Variants in ERC2 observed in about 807,000 individuals in gnomAD.
ERC2 encodes the protein ELKS/RAB6-interacting/CAST family member 2.
A neutral mutation model predicts 114.8 loss-of-function variants in ERC2; 42 were observed. The observed-to-expected ratio is 0.37, with a 90% CI of 0.29 to 0.47. The LOEUF (loss-of-function observed/expected upper bound fraction) is 0.47, where lower values mean the gene tolerates loss of function less well. Among genes scored for constraint, ERC2 ranks in the 20% least tolerant of loss-of-function variants. The probability of loss-of-function intolerance (pLI) is 0.99; values close to 1 mark genes in which losing one functional copy is unlikely to be tolerated. For missense variants in ERC2, 939 were observed against 1,150.7 expected, an observed-to-expected ratio of 0.82 and a Z score of 2.66; for synonymous variants, 454 against 425.5, an observed-to-expected ratio of 1.07 and a Z score of -0.82.
intron 3 of ERC2, among the ~76,000 whole-genome samples, chr3:56,215,872 A>G (rs1331809404): frequency 6.6e-6 from 1 of 152,236 alleles, no homozygotes; most frequent in Non-Finnish European, 1.5e-5. Context: ...TGGAAACTGA[A>G]CAACCTGCTC....
At chr3:56,030,683 C>A (rs575261128) in intron 7 of ERC2, among the ~76,000 whole-genome samples, 16 of 152,144 alleles carry the variant, frequency 1.1e-4, no homozygotes, top group Non-Finnish European at 2.2e-4. Context: ...AGTAAGATGG[C>A]AGAATAGGAG....
chr3:56,047,691 T>C (rs1344148014), intron 7 of ERC2, among the ~76,000 whole-genome samples: 1 of 152,208 alleles, frequency 6.6e-6, no homozygotes, highest in Non-Finnish European at 1.5e-5. Flanking sequence ...TTTCAAGTAC[T>C]TTTTTAAAAG....
chr3:55,756,132 G>A (rs895615785), intron 14 of ERC2, among the ~76,000 whole-genome samples: 1 of 152,064 alleles, frequency 6.6e-6, no homozygotes, highest in African/African-American at 2.4e-5. Context: ...AAAGTTTGCA[G>A]CTTGCTAGAG....
rs551975793 is a variant in ERC2 at position 55,668,516 on chromosome 3, C to T, written c.*39+15278G>A. Among the ~76,000 whole-genome samples, 5 of 152,326 alleles carry T rather than the reference C, an allele frequency of 3.3e-5. No individual in the cohort carries two copies. In the South Asian group the frequency reaches 1.0e-3, roughly 32 times the overall value. On this transcript the variant is annotated intron_variant, in intron 17 of 17. Transcript: ENST00000288221. Reference sequence around the variant, plus strand: ...TATGCTCATCGTCATGACTTGGATTCCATGGCTACAAGTCTCACAGGACTC... The same window carrying T: ...TATGCTCATCGTCATGACTTGGATTTCATGGCTACAAGTCTCACAGGACTC...
chr3:56,337,150 A>C (rs2057888597), intron 2 of ERC2, among the ~76,000 whole-genome samples: 1 of 152,176 alleles, frequency 6.6e-6, no homozygotes, highest in Non-Finnish European at 1.5e-5. Flanking sequence ...AGGAAACTTA[A>C]TAAACGCTTC....
intron 17 of ERC2, among the ~76,000 whole-genome samples, chr3:55,520,975 G>A (rs192599268): frequency 6.6e-6 from 1 of 152,280 alleles, no homozygotes; most frequent in African/African-American, 2.4e-5. Context: ...TGGAGAATTT[G>A]AAACATGAAG....
chr3:55,640,094 T>A (rs1478050648), intron 17 of ERC2, among the ~76,000 whole-genome samples: 1 of 152,212 alleles, frequency 6.6e-6, no homozygotes, highest in African/African-American at 2.4e-5. Context: ...ACACGTCCTG[T>A]GGCTGCACTT....
intron 10 of ERC2, among the ~76,000 whole-genome samples, chr3:55,997,160 A>G (rs914524676): frequency 3.9e-5 from 6 of 152,172 alleles, no homozygotes; most frequent in African/African-American, 1.4e-4. Context: ...ATTTCCCTCA[A>G]AATAAACAAA....
At chr3:55,835,399 C>G (rs2060827360) in intron 14 of ERC2, among the ~76,000 whole-genome samples, 1 of 152,270 alleles carries the variant, frequency 6.6e-6, no homozygotes, top group South Asian at 2.1e-4. Flanking sequence ...AAAAGCTTAT[C>G]CACCATGATC....
intron 6 of ERC2, among the ~76,000 whole-genome samples, chr3:56,084,989 C>A (rs1468827952): frequency 6.6e-6 from 1 of 152,022 alleles, no homozygotes; most frequent in Admixed American, 6.5e-5. Flanking sequence ...CTTTTAACTG[C>A]CTGAGAGGAT....
chr3:56,400,834 G>C (rs1402643175), intron 2 of ERC2, among the ~76,000 whole-genome samples: 1 of 152,154 alleles, frequency 6.6e-6, no homozygotes, highest in Non-Finnish European at 1.5e-5. Context: ...GAAAAATTTA[G>C]TCTGACGTAT....
rs2060956634 is a variant in ERC2, at chr3:55,837,650, T to C, written c.2564+50739A>G. On this transcript the variant is annotated intron_variant, in intron 14 of 17. Coordinates refer to ENST00000288221, the MANE Select transcript of ERC2 (RefSeq NM_015576.3). ...GATAGCATTAGGAGATATACCTAAT[T>C]CTAAATGACGAGTTAATGGGTACAG... Among the ~76,000 whole-genome samples the C allele has an allele frequency of 2.6e-5, 4 of 151,702 alleles. No individual in the cohort carries two copies. The South Asian group carries it at 6.2e-4, about 24-fold the overall frequency.
At chr3:56,310,325 T>C (rs1447952030) in intron 2 of ERC2, among the ~76,000 whole-genome samples, 6 of 152,224 alleles carry the variant, frequency 3.9e-5, no homozygotes, top group Admixed American at 1.3e-4. Flanking sequence ...GTCACAGCCA[T>C]ATACAGTTAT....
intron 2 of ERC2, among the ~76,000 whole-genome samples, chr3:56,343,779 T>C (rs1018599988): frequency 6.6e-6 from 1 of 152,204 alleles, no homozygotes; most frequent in Non-Finnish European, 1.5e-5. Flanking sequence ...CAAAGCAGAC[T>C]TGTCTAAATT....
At chr3:55,524,278 G>T (rs185845910) in intron 17 of ERC2, among the ~76,000 whole-genome samples, 430 of 152,282 alleles carry the variant, frequency 2.8e-3, no homozygotes, top group Admixed American at 5.8e-3. Flanking sequence ...TTATGTATGG[G>T]CTTGGTCATC....
intron 11 of ERC2, among the ~76,000 whole-genome samples, chr3:55,988,473 A>G (rs1371977210): frequency 6.6e-6 from 1 of 152,224 alleles, no homozygotes; most frequent in Non-Finnish European, 1.5e-5. Flanking sequence ...GGAATTTAAG[A>G]GGTAAATGCA....
At chr3:56,131,397 A>T (rs754945305) in intron 6 of ERC2, among the ~76,000 whole-genome samples, 7 of 152,184 alleles carry the variant, frequency 4.6e-5, no homozygotes, top group Non-Finnish European at 8.8e-5. Context: ...ATTCCTTGCA[A>T]GTCTTGAAAG....
chr3:55,549,457 C>T (rs1463802658), intron 17 of ERC2, among the ~76,000 whole-genome samples: 3 of 147,066 alleles, frequency 2.0e-5, no homozygotes, highest in Admixed American at 1.4e-4. Context: ...AAACCAGATG[C>T]GGAGCAAATG....
At position 56,020,420 on chromosome 3, in the gene ERC2, T is replaced by C. The variant is rs539141816; in HGVS notation, c.1642-1389A>G. Among the ~76,000 whole-genome samples the C allele has an allele frequency of 2.7e-4, 41 of 152,308 alleles. No homozygotes were observed. The East Asian group carries it at 7.3e-3, about 27-fold the overall frequency. On this transcript the variant is annotated intron_variant, in intron 7 of 17. Coordinates refer to ENST00000288221, the MANE Select transcript of ERC2 (RefSeq NM_015576.3). ...TCTTTTCCTTCATCAAAATGTAATG[T>C]GTTCCCATCCAGCTGCCACTGTGAA...
Sources: allele counts gnomAD v4.1 joint callset (sites outside exome capture counted in the v4.1 genomes callset), GRCh38; gene constraint gnomAD v4.1.1; transcripts MANE v1.5; gene names NCBI Gene and HGNC (gene_info 2026-07-23, HGNC 2026-07-21).